The following AGBL4 variants were observed in gnomAD, a reference collection of about 807,000 sequenced individuals.
AGBL4 encodes the protein cytosolic carboxypeptidase 6.
Under a neutral mutation model 66.4 loss-of-function variants are expected in AGBL4, and 58 were observed. The ratio of observed to expected loss-of-function variants is 0.87; its 90% CI spans 0.71 to 1.09. The LOEUF (loss-of-function observed/expected upper bound fraction) is 1.09, where lower values mean the gene tolerates loss of function less well. Among genes scored for constraint, AGBL4 ranks in the 50% least tolerant of loss-of-function variants. AGBL4 has a pLI of 0.00. For missense variants in AGBL4, 579 were observed against 631.0 expected (o/e 0.92, Z 0.88); for synonymous variants, 234 against 222.9 (o/e 1.05, Z -0.44).
chr1:49,511,129 C>T (rs1188566274), intron 3 of AGBL4, among the ~76,000 whole-genome samples: 1 of 151,894 alleles, frequency 6.6e-6, no homozygotes, highest in South Asian at 2.1e-4. Context: ...GACTATAAAT[C>T]ATGCTGCTAT....
chr1:49,852,347 T>C (rs1216439607), intron 1 of AGBL4, among the ~76,000 whole-genome samples: 8 of 152,138 alleles, frequency 5.3e-5, no homozygotes, highest in African/African-American at 1.9e-4. Flanking sequence ...TAAGCTAATT[T>C]TTAAATATTA....
chr1:49,540,894 A>G (rs948148465), intron 3 of AGBL4, among the ~76,000 whole-genome samples: 3 of 152,178 alleles, frequency 2.0e-5, no homozygotes, highest in Non-Finnish European at 2.9e-5. Flanking sequence ...TTTTCTTATT[A>G]GAGTAATGTT....
chr1:49,530,278 A>AAAAAAAAAAAAAC (rs1186915086), intron 3 of AGBL4, among the ~76,000 whole-genome samples: 8 of 145,178 alleles, frequency 5.5e-5, no homozygotes, highest in Non-Finnish European at 1.1e-4. Context: ...AAAAACAAAA[A>AAAAAAAAAAAAAC]AAAACTCTAT....
At chr1:49,243,081 G>A (rs1651364282) in intron 4 of AGBL4, among the ~76,000 whole-genome samples, 2 of 150,470 alleles carry the variant, frequency 1.3e-5, no homozygotes, top group African/African-American at 4.9e-5. Context: ...ATACATATAT[G>A]TATTTTAAAT....
intron 4 of AGBL4, among the ~76,000 whole-genome samples, chr1:49,076,601 G>A (rs982148646): frequency 6.6e-6 from 1 of 152,194 alleles, no homozygotes; most frequent in Non-Finnish European, 1.5e-5. Flanking sequence ...AACCCTATAA[G>A]TAAATTGTCT....
intron 5 of AGBL4, among the ~76,000 whole-genome samples, chr1:48,904,606 A>AAC (rs1652406413): frequency 6.6e-6 from 1 of 152,206 alleles, no homozygotes; most frequent in Non-Finnish European, 1.5e-5. Context: ...ACTTGAGCTA[A>AAC]TAACCATGCC....
chr1:49,765,219 C>A (rs1278486449), intron 2 of AGBL4, among the ~76,000 whole-genome samples: 1 of 151,966 alleles, frequency 6.6e-6, no homozygotes, highest in Non-Finnish European at 1.5e-5. Context: ...CCACAGTAAA[C>A]AAAGATCAGT....
intron 3 of AGBL4, among the ~76,000 whole-genome samples, chr1:49,664,804 G>C (rs377416987): frequency 2.6e-4 from 39 of 151,986 alleles, no homozygotes; most frequent in African/African-American, 8.5e-4. Context: ...CTGTAAATTT[G>C]ATGCCAATAT....
chr1:48,736,459 G>A lies in AGBL4; in HGVS notation c.635-73218C>T. The A allele has an allele frequency of 6.2e-7, 1 of 1,613,594 alleles. No homozygotes were observed. The highest frequency in any genetic ancestry group is 1.1e-5 in the South Asian group (1 of 91,044). On this transcript the variant is annotated intron_variant, in intron 6 of 13. Coordinates refer to ENST00000371839, the MANE Select transcript of AGBL4 (RefSeq NM_032785.4). The surrounding 1 kb of genome is among the most constrained non-coding windows in gnomAD (Gnocchi z 4.0). Reference sequence around the variant, plus strand: ...TCCCGCTTCCCAGATGGACCTGAGAGGAATAAGAACACCAGCACCTGTTTA... The same window carrying A: ...TCCCGCTTCCCAGATGGACCTGAGAAGAATAAGAACACCAGCACCTGTTTA...
chr1:48,610,035 C>T (rs1219358396), intron 9 of AGBL4, among the ~76,000 whole-genome samples: 1 of 152,200 alleles, frequency 6.6e-6, no homozygotes, highest in Non-Finnish European at 1.5e-5. Flanking sequence ...AAGCATTCAC[C>T]CTCTAAGACT....
chr1:48,776,844 G>A (rs1357256071), intron 6 of AGBL4: 7 of 1,493,878 alleles, frequency 4.7e-6, no homozygotes, highest in Non-Finnish European at 6.2e-6. Flanking sequence ...TGGGCGCCGG[G>A]GGCGGGCCCC....
At chr1:49,104,525 TC>T in intron 4 of AGBL4, among the ~76,000 whole-genome samples, 1 of 152,298 alleles carries the variant, frequency 6.6e-6, no homozygotes, top group South Asian at 2.1e-4. Context: ...ATTACTTATT[TC>T]CATTTTACCA....
At chr1:48,776,904 G>A (rs1413966774) in intron 6 of AGBL4, 4 of 945,730 alleles carry the variant, frequency 4.2e-6, no homozygotes, top group Non-Finnish European at 6.1e-6. Context: ...GGATCCGGCG[G>A]GGGGCGCGAG....
At chr1:49,492,964 C>T (rs112317233) in intron 3 of AGBL4, among the ~76,000 whole-genome samples, 11,703 of 151,932 alleles carry the variant, frequency 0.077, 688 homozygotes, top group African/African-American at 0.17. Flanking sequence ...GAAGGGGAAG[C>T]AAACATGTCC....
intron 5 of AGBL4, among the ~76,000 whole-genome samples, chr1:49,035,749 T>C (rs1344639577): frequency 6.6e-6 from 1 of 152,034 alleles, no homozygotes; most frequent in Non-Finnish European, 1.5e-5. Context: ...TGTGTGTGTG[T>C]AGGTGGGGAG....
intron 6 of AGBL4, among the ~76,000 whole-genome samples, chr1:48,847,070 G>T (rs1021716521): frequency 1.3e-5 from 2 of 152,216 alleles, no homozygotes; most frequent in Admixed American, 6.5e-5. Flanking sequence ...GGAGGCCGAG[G>T]GGGGTGGATC....
At chr1:49,363,639 C>A (rs1644185867) in intron 3 of AGBL4, among the ~76,000 whole-genome samples, 1 of 152,142 alleles carries the variant, frequency 6.6e-6, no homozygotes, top group Non-Finnish European at 1.5e-5. Context: ...GTTCTCTTTA[C>A]CTTGAGTCTT....
intron 3 of AGBL4, among the ~76,000 whole-genome samples, chr1:49,669,843 G>C (rs937358281): frequency 6.6e-6 from 1 of 152,014 alleles, no homozygotes; most frequent in Non-Finnish European, 1.5e-5. Flanking sequence ...TATACCTAGA[G>C]CTGTCAGTCT....
chr1:49,788,060 A>T (rs1383510778), intron 2 of AGBL4, among the ~76,000 whole-genome samples: 1 of 152,254 alleles, frequency 6.6e-6, no homozygotes, highest in Non-Finnish European at 1.5e-5. Flanking sequence ...GGTCACACAA[A>T]AAGGATCTTC....
Sources: gnomAD v4.1 joint callset for allele counts (sites outside exome capture counted in the v4.1 genomes callset) on GRCh38, gnomAD v4.1.1 for gene constraint, Gnocchi (gnomAD v3.1) non-coding constraint, MANE v1.5 for transcripts, NCBI Gene and HGNC (gene_info 2026-07-23, HGNC 2026-07-21) for gene names.